ZNF236: variants seen among roughly 807,000 people sequenced by gnomAD.
The protein encoded by ZNF236 is zinc finger protein 236, also known as regulated by glucose.
In ZNF236, 50 loss-of-function variants were observed where a neutral mutation model predicts 191.2. The ratio of observed to expected loss-of-function variants is 0.26; its 90% CI spans 0.21 to 0.33. The LOEUF (loss-of-function observed/expected upper bound fraction) is 0.33, where lower values mean the gene tolerates loss of function less well. Among genes scored for constraint, ZNF236 ranks in the 10% least tolerant of loss-of-function variants. The pLI is 1.00. For missense variants in ZNF236, 1,754 were observed against 2,374.5 expected, an observed-to-expected ratio of 0.74 and a Z score of 5.43; for synonymous variants, 907 against 928.8, an observed-to-expected ratio of 0.98 and a Z score of 0.43.
At chr18:76,923,796 G>T (rs1967604993) in intron 21 of ZNF236, among the ~76,000 whole-genome samples, 1 of 152,070 alleles carries the variant, frequency 6.6e-6, no homozygotes. Context: ...GGGGCTAATA[G>T]TTGTACCTCC....
intron 5 of ZNF236, among the ~76,000 whole-genome samples, chr18:76,872,262 C>T (rs1312992686): frequency 1.3e-5 from 2 of 152,190 alleles, no homozygotes; most frequent in Non-Finnish European, 2.9e-5. Flanking sequence ...GAGGGGATCT[C>T]TTCAAGCCAG....
intron 28 of ZNF236, among the ~76,000 whole-genome samples, chr18:76,958,060 C>T (rs977604426): frequency 5.3e-5 from 8 of 152,186 alleles, no homozygotes; most frequent in East Asian, 1.9e-4. Flanking sequence ...AGTGAGCTGA[C>T]GGCCATGTTG....
intron 1 of ZNF236, among the ~76,000 whole-genome samples, chr18:76,830,036 A>G (rs931109046): frequency 2.0e-5 from 3 of 152,012 alleles, no homozygotes; most frequent in African/African-American, 7.2e-5. Context: ...ACGCCTGGCT[A>G]ATTTTTTGTG....
At chr18:76,933,045 C>T (rs1281179634) in intron 25 of ZNF236, among the ~76,000 whole-genome samples, 1 of 152,194 alleles carries the variant, frequency 6.6e-6, no homozygotes, top group Non-Finnish European at 1.5e-5. Context: ...TCAGGGCAGG[C>T]GAGCTGTCCT....
chr18:76,848,869 G>C (rs964807320), intron 1 of ZNF236, among the ~76,000 whole-genome samples: 4 of 152,176 alleles, frequency 2.6e-5, no homozygotes, highest in Non-Finnish European at 5.9e-5. Context: ...GTGTTGCTCA[G>C]GCTGGTCTTG....
chr18:76,868,623 A>G, intron 3 of ZNF236, 62 bp from the exon 4 acceptor site: 1 of 1,393,848 alleles, frequency 7.2e-7, no homozygotes. Context: ...TGATCATACC[A>G]GTTCTTTGAA....
rs191264231 is a variant in ZNF236, at chr18:76,919,201, G to A, written c.3275-575G>A. On this transcript the variant is annotated intron_variant, in intron 19 of 30. Coordinates refer to ENST00000320610, the MANE Select transcript of ZNF236 (RefSeq NM_001306089.2). The surrounding 1 kb of genome is among the most constrained non-coding windows in gnomAD (Gnocchi z 5.3). ...AAGCTTACTCCTGAATTTTCAGGGA[G>A]GTGTAGAAGCAGGTCTTTAATCTGA... Among the ~76,000 whole-genome samples the A allele has an allele frequency of 2.8e-4, 43 of 152,310 alleles. 1 individual carries two copies. Among genetic ancestry groups the A allele is most frequent in the Middle Eastern group, 3.4e-3 (1 of 294 alleles).
In ZNF236 at chr18:76,960,772, C is replaced by T. The variant is rs888487052; in HGVS notation, c.5336C>T (p.Pro1779Leu). 4.2e-5 allele frequency: 68 copies of T among 1,614,014 alleles called. No homozygotes were observed. The highest frequency in any genetic ancestry group is 5.8e-5 in the Non-Finnish European group (68 of 1,180,026). Reference protein sequence around the residue: ...VHMKKHTGERPYKCAYCVMGF... With the variant: ...VHMKKHTGERLYKCAYCVMGF... ...ATGAAGAAGCACACGGGGGAGCGGC[C>T]CTACAAGTGTGCCTACTGCGTCATG... Residue 1779 changes from proline (P) to leucine (L), a missense_variant, in exon 30 of 31, where the codon CCC (proline) becomes CTC (leucine). Transcript: ENST00000320610. This position sits in a 1 kb window ranked among gnomAD's most constrained non-coding sequence, Gnocchi z 4.4.
rs780258971 is a variant in ZNF236 at position 76,871,683 on chromosome 18, C to A, written c.543-18C>A. Reference sequence around the variant, plus strand: ...GGAGACATCTTACTGTGTATTTTGCCCCCCTTTATTACACTAGGGTATCAA... The same window carrying A: ...GGAGACATCTTACTGTGTATTTTGCACCCCTTTATTACACTAGGGTATCAA... On this transcript the variant is annotated intron_variant, in intron 4 of 30. Transcript: ENST00000320610. The A allele has an allele frequency of 6.2e-7, 1 of 1,613,480 alleles. No individual in the cohort carries two copies. Among genetic ancestry groups the A allele is most frequent in the Admixed American group, 1.7e-5 (1 of 59,916 alleles).
chr18:76,880,381 T>C lies in ZNF236; in HGVS notation c.1188+65T>C. 1 of 1,467,172 alleles carries C rather than the reference T, an allele frequency of 6.8e-7. No homozygotes were observed. Among genetic ancestry groups the C allele is most frequent in the Non-Finnish European group, 9.2e-7 (1 of 1,090,554 alleles). 90.9% of individuals were successfully genotyped at this position (1,467,172 alleles called of 1,614,324 possible). ...GTGCTGGGTCAGAAACCAGGGATGA[T>C]AATTGAGAATAAATCTGCAGGGCTT... is the stretch of plus-strand genomic sequence containing the variant. On this transcript the variant is annotated intron_variant, in intron 8 of 30. Coordinates refer to ENST00000320610, the MANE Select transcript of ZNF236 (RefSeq NM_001306089.2). This position sits in a 1 kb window ranked among gnomAD's most constrained non-coding sequence, Gnocchi z 5.0.
chr18:76,962,051 A>G lies in ZNF236; in HGVS notation c.5419+1196A>G, dbSNP rs537238855. ...TAGTCTGCTGACTGTTCCTTTTGCCATTAAAAAGCTCTTTAGTGTAATGAA... is the reference window on the plus strand; with the variant it reads ...TAGTCTGCTGACTGTTCCTTTTGCCGTTAAAAAGCTCTTTAGTGTAATGAA... On this transcript the variant is annotated intron_variant, in intron 30 of 30. Transcript: ENST00000320610. Among the ~76,000 whole-genome samples, 69 of 152,312 alleles carry G rather than the reference A, an allele frequency of 4.5e-4. 1 individual carries two copies. In the Middle Eastern group the frequency reaches 0.014, roughly 30 times the overall value.
intron 1 of ZNF236, among the ~76,000 whole-genome samples, chr18:76,829,164 G>A (rs866701715): frequency 2.0e-5 from 3 of 152,136 alleles, no homozygotes; most frequent in Non-Finnish European, 4.4e-5. Context: ...AAGCCTTTAT[G>A]TTGTCTGTGT....
Position 76,868,878 on chromosome 18 carries a change from A to T in ZNF236, c.542+15A>T. On this transcript the variant is annotated intron_variant, in intron 4 of 30. Coordinates refer to ENST00000320610, the MANE Select transcript of ZNF236 (RefSeq NM_001306089.2). ...TACAAAATTAGGTATGAGTCATTAC[A>T]TGGGCTTGGTCAAAAATCCATCTAA... 3 of 1,572,510 alleles carry T rather than the reference A, an allele frequency of 1.9e-6. No individual in the cohort carries two copies. The highest frequency in any genetic ancestry group is 2.6e-6 in the Non-Finnish European group (3 of 1,158,718).
Position 76,919,756 on chromosome 18 carries a change from T to C in ZNF236, c.3275-20T>C, listed in dbSNP as rs769619810. The C allele has an allele frequency of 6.2e-7, 1 of 1,605,548 alleles. No homozygotes were observed. Among genetic ancestry groups the C allele is most frequent in the Non-Finnish European group, 8.5e-7 (1 of 1,172,842 alleles). On this transcript the variant is annotated intron_variant, in intron 19 of 30. Coordinates refer to ENST00000320610, the MANE Select transcript of ZNF236 (RefSeq NM_001306089.2). This position sits in a 1 kb window ranked among gnomAD's most constrained non-coding sequence, Gnocchi z 5.3. The stretch of plus-strand genomic sequence containing the variant: ...TTTTCTTCATTACGATTTTGATCCC[T>C]TTTCCTTGATTTTGTGTAGACATTT...
At chr18:76,893,585 G>A (rs551240984) in intron 9 of ZNF236, among the ~76,000 whole-genome samples, 34 of 152,274 alleles carry the variant, frequency 2.2e-4, no homozygotes, top group African/African-American at 7.9e-4. Flanking sequence ...ATAGCACACT[G>A]CAACTCCTAT....
chr18:76,909,858 G>T (rs1197246848), intron 14 of ZNF236, among the ~76,000 whole-genome samples: 4 of 152,218 alleles, frequency 2.6e-5, no homozygotes, highest in African/African-American at 7.2e-5. Flanking sequence ...TGAGTTTTCA[G>T]ACAGACGCTA....
chr18:76,936,281 A>C, intron 25 of ZNF236: 1 of 455,468 alleles, frequency 2.2e-6, no homozygotes, highest in Non-Finnish European at 4.4e-6. Context: ...TTTCAAATGA[A>C]TGGATGGCTC....
At chr18:76,851,263 C>CTT (rs775928958) in intron 2 of ZNF236, among the ~76,000 whole-genome samples, 104 of 117,660 alleles carry the variant, frequency 8.8e-4, no homozygotes, top group Non-Finnish European at 1.1e-3. Flanking sequence ...AGAAAGAAAC[C>CTT]TTTTTTTTTT....
chr18:76,866,869 A>G (rs1320953868), intron 3 of ZNF236, among the ~76,000 whole-genome samples: 1 of 151,976 alleles, frequency 6.6e-6, no homozygotes, highest in Non-Finnish European at 1.5e-5. Context: ...TGCAGGAGAG[A>G]AAGCAGAAAG....
Sources: gnomAD v4.1 joint callset for allele counts (sites outside exome capture counted in the v4.1 genomes callset) on GRCh38, gnomAD v4.1.1 for gene constraint, Gnocchi (gnomAD v3.1) non-coding constraint, MANE v1.5 for transcripts, NCBI Gene and HGNC (gene_info 2026-07-23, HGNC 2026-07-21) for gene names.